Variants in SLC41A3 observed in about 807,000 individuals in gnomAD.
The protein encoded by SLC41A3 is solute carrier family 41 member 3, also known as SLC41A1-like 2.
Under a neutral mutation model 45.4 loss-of-function variants are expected in SLC41A3, and 44 were observed. The ratio of observed to expected loss-of-function variants is 0.97; its 90% CI spans 0.76 to 1.25. SLC41A3 has a LOEUF of 1.25. Among genes scored for constraint, SLC41A3 ranks in the 50% most tolerant of loss-of-function variants. The pLI is 0.00. For missense variants in SLC41A3, 550 were observed against 600.6 expected (o/e 0.92, Z 0.88); for synonymous variants, 256 against 252.4 (o/e 1.01, Z -0.13).
In SLC41A3 at chr3:126,045,119, T is replaced by C. The variant is rs528751451; in HGVS notation, c.381+5824A>G. 5.3e-5 allele frequency among the ~76,000 whole-genome samples: 8 copies of C among 151,776 alleles called. No homozygotes were observed. The East Asian group carries it at 1.2e-3, about 22-fold the overall frequency. ...TGAAAATACAACACATCATAATTTA[T>C]AGGATGCAGTGAAAGCAGTTTTAAA... On this transcript the variant is annotated intron_variant, in intron 3 of 10. Transcript: ENST00000360370.
chr3:126,007,111 T>A lies in SLC41A3; in HGVS notation c.1369A>T (p.Thr457Ser). 1 of 1,614,222 alleles carries A rather than the reference T, an allele frequency of 6.2e-7. No homozygotes were observed. The highest frequency in any genetic ancestry group is 8.5e-7 in the Non-Finnish European group (1 of 1,180,044). Reference protein sequence around the residue: ...YLTGLGDLLGTGLLALCFFTD... With the variant: ...YLTGLGDLLGSGLLALCFFTD... ...AAAAAGCAGAGTGCCAGGAGGCCAG[T>A]ACCGAGCAGGTCCCCCAGCCCTGTA... Residue 457 changes from threonine (T) to serine (S), a missense_variant, in exon 11 of 11, where the codon ACT (threonine) becomes TCT (serine). Physicochemically the swap from Thr to Ser is moderately conservative, Grantham distance 58. Coordinates refer to ENST00000360370, the MANE Select transcript of SLC41A3 (RefSeq NM_017836.4).
At chr3:126,059,263 G>GAAAGAAAGAAAGAAAGAAAGAAAGAA (rs5852464) in intron 2 of SLC41A3, among the ~76,000 whole-genome samples, 1 of 11,736 alleles carries the variant, frequency 8.5e-5, no homozygotes, top group African/African-American at 4.0e-4. Context: ...AAGAAAGAAA[G>GAAAGAAAGAAAGAAAGAAAGAAAGAA]AAGAAAGAAA....
At chr3:126,078,421 G>A (rs971543144) in intron 1 of SLC41A3, among the ~76,000 whole-genome samples, 3 of 152,146 alleles carry the variant, frequency 2.0e-5, no homozygotes, top group African/African-American at 7.2e-5. Context: ...TGCCCACACT[G>A]GGAGGAACCC....
intron 2 of SLC41A3, among the ~76,000 whole-genome samples, chr3:126,059,799 A>C (rs1018989996): frequency 6.6e-6 from 1 of 152,208 alleles, no homozygotes; most frequent in African/African-American, 2.4e-5. Context: ...TTAAAGACAG[A>C]GTCCTCTGTC....
At chr3:126,029,439 AT>A (rs1206636426) in intron 4 of SLC41A3, among the ~76,000 whole-genome samples, 1 of 151,982 alleles carries the variant, frequency 6.6e-6, no homozygotes, top group Non-Finnish European at 1.5e-5. Context: ...TCCCACCATA[AT>A]TGGAAGTTTC....
intron 2 of SLC41A3, among the ~76,000 whole-genome samples, chr3:126,063,232 C>T (rs1368717887): frequency 1.3e-5 from 2 of 152,216 alleles, no homozygotes; most frequent in Non-Finnish European, 2.9e-5. Flanking sequence ...CTGGCATATG[C>T]CACCTGCAGG....
chr3:126,007,883 C>A (rs1357899634), intron 10 of SLC41A3, among the ~76,000 whole-genome samples: 1 of 152,242 alleles, frequency 6.6e-6, no homozygotes, highest in African/African-American at 2.4e-5. Flanking sequence ...CCTGCAAAGG[C>A]CCCAGACCCA....
chr3:126,019,633 A>G (rs976627601), intron 6 of SLC41A3, among the ~76,000 whole-genome samples: 2 of 152,226 alleles, frequency 1.3e-5, no homozygotes, highest in South Asian at 4.1e-4. Context: ...AGAAATGGAC[A>G]AAAAGAAAAG....
intron 6 of SLC41A3, 23 bp from the exon 7 acceptor site, chr3:126,016,898 C>T (rs758702069): frequency 1.1e-5 from 17 of 1,606,544 alleles, no homozygotes; most frequent in Middle Eastern, 1.7e-4. Context: ...CAGGGACACA[C>T]GCAGCTCATG....
chr3:126,088,016 T>C (rs1463098013), upstream of SLC41A3, among the ~76,000 whole-genome samples: 1 of 152,134 alleles, frequency 6.6e-6, no homozygotes, highest in African/African-American at 2.4e-5. Context: ...GATTGATATC[T>C]CACAAGCTCA....
intron 3 of SLC41A3, among the ~76,000 whole-genome samples, chr3:126,044,248 T>C (rs542927336): frequency 2.0e-5 from 3 of 152,284 alleles, no homozygotes; most frequent in East Asian, 1.9e-4. Context: ...ATTCCAAAGA[T>C]AGAACAATTA....
At position 126,059,314 on chromosome 3, in the gene SLC41A3, G is replaced by GAAAGAAAGAAAGAAAGAAAGA. The variant is rs150520192; in HGVS notation, c.274-8265_274-8264insTCTTTCTTTCTTTCTTTCTTT. Among the ~76,000 whole-genome samples, 296 of 102,694 alleles carry GAAAGAAAGAAAGAAAGAAAGA rather than the reference G, an allele frequency of 2.9e-3. 10 individuals carry two copies. The highest frequency in any genetic ancestry group is 8.5e-3 in the African/African-American group (219 of 25,858). The allele number at this position is 102,694 out of a possible 152,430, so 67.4% of individuals were successfully genotyped here. On this transcript the variant is annotated intron_variant, in intron 2 of 10. Coordinates refer to ENST00000360370, the MANE Select transcript of SLC41A3 (RefSeq NM_017836.4). ...AGAAAGAAAGAAAGAAAGAAAGGAA[G>GAAAGAAAGAAAGAAAGAAAGA]GATGATCTGTGATAAGTGCTCTGAA...
intron 6 of SLC41A3, among the ~76,000 whole-genome samples, chr3:126,020,368 T>C (rs989395537): frequency 2.6e-5 from 4 of 152,200 alleles, no homozygotes; most frequent in African/African-American, 7.2e-5. Context: ...TCTTGACTAT[T>C]AGCTCCCAGC....
intron 1 of SLC41A3, among the ~76,000 whole-genome samples, chr3:126,078,441 A>G (rs1259183593): frequency 1.3e-5 from 2 of 152,134 alleles, no homozygotes; most frequent in Non-Finnish European, 2.9e-5. Flanking sequence ...CGTACCACAC[A>G]GAGCTGAGCT....
chr3:126,051,175 C>T, intron 2 of SLC41A3, 125 bp from the exon 3 acceptor site: 20 of 1,124,768 alleles, frequency 1.8e-5, no homozygotes, highest in Non-Finnish European at 2.2e-5. Context: ...GGACTAAGTA[C>T]TTTCTTAAAT....
chr3:126,099,475 G>T (rs1293677434), intron 1 of SLC41A3, among the ~76,000 whole-genome samples: 1 of 152,186 alleles, frequency 6.6e-6, no homozygotes, highest in Non-Finnish European at 1.5e-5. Context: ...ACTTTGGGTG[G>T]CCAAGGCGGG....
At chr3:126,011,067 A>G (rs1939652452) in intron 9 of SLC41A3, among the ~76,000 whole-genome samples, 1 of 152,248 alleles carries the variant, frequency 6.6e-6, no homozygotes, top group African/African-American at 2.4e-5. Flanking sequence ...TGGATGAGAA[A>G]AGACAACCAA....
At chr3:126,050,392 C>T (rs1010953371) in intron 3 of SLC41A3, among the ~76,000 whole-genome samples, 1 of 152,202 alleles carries the variant, frequency 6.6e-6, no homozygotes, top group East Asian at 1.9e-4. Context: ...AAGCTTCAGT[C>T]TCCTGGGATA....
intron 7 of SLC41A3, among the ~76,000 whole-genome samples, chr3:126,016,096 T>C (rs1179365613): frequency 1.3e-5 from 2 of 152,222 alleles, no homozygotes; most frequent in Non-Finnish European, 2.9e-5. Flanking sequence ...GAAGCAAGGA[T>C]ACCTACTCTA....
Sources: allele counts gnomAD v4.1 joint callset (sites outside exome capture counted in the v4.1 genomes callset), GRCh38; gene constraint gnomAD v4.1.1; transcripts MANE v1.5; gene names NCBI Gene and HGNC (gene_info 2026-07-23, HGNC 2026-07-21).